Variants in RTEL1 observed in about 807,000 individuals in gnomAD.
RTEL1 encodes regulator of telomere length.
A neutral mutation model predicts 162.2 loss-of-function variants in RTEL1; 86 were observed. The observed-to-expected ratio is 0.53, with a 90% CI of 0.45 to 0.63. The LOEUF is 0.63. RTEL1 is among the 30% of genes least tolerant of loss of function. The pLI, the probability that RTEL1 is intolerant of heterozygous loss-of-function variation, is 0.00. For synonymous variants in RTEL1, 958 were observed against 717.9 expected, an observed-to-expected ratio of 1.33 and a Z score of -5.35; for missense variants, 1,941 against 1,750.2, an observed-to-expected ratio of 1.11 and a Z score of -1.95.
At chr20:63,663,367 C>T (rs540772609) in intron 6 of RTEL1, among the ~76,000 whole-genome samples, 4 of 152,166 alleles carry the variant, frequency 2.6e-5, no homozygotes, top group Admixed American at 6.5e-5. Context: ...GACCTTGCTG[C>T]GGAAAATTAT....
At chr20:63,682,170 A>T (rs2090489147) in intron 14 of RTEL1, 1 of 985,274 alleles carries the variant, frequency 1.0e-6, no homozygotes, top group Admixed American at 6.1e-5. Flanking sequence ...TGAATCCTAG[A>T]ATGTGGCTTC....
At chr20:63,684,414 C>T (rs1050130661) in intron 14 of RTEL1, among the ~76,000 whole-genome samples, 6 of 151,406 alleles carry the variant, frequency 4.0e-5, no homozygotes, top group Non-Finnish European at 5.9e-5. Context: ...AGTGCAGTGG[C>T]GCGATCTCGG....
chr20:63,666,872 C>T (rs567880171), intron 7 of RTEL1, among the ~76,000 whole-genome samples: 41 of 133,278 alleles, frequency 3.1e-4, no homozygotes, highest in African/African-American at 6.1e-4. Context: ...CGGAGTCTCG[C>T]TCTGTCGCCC....
At chr20:63,667,020 TA>T (rs1444463082) in intron 7 of RTEL1, among the ~76,000 whole-genome samples, 1 of 151,794 alleles carries the variant, frequency 6.6e-6, no homozygotes, top group Non-Finnish European at 1.5e-5. Flanking sequence ...TCTGTATTTT[TA>T]GTAGAGACGG....
chr20:63,678,273 C>T lies in RTEL1; in HGVS notation c.964C>T (p.Leu322=), dbSNP rs1475802813. The part of the protein sequence containing the change: ...LEDIAKLKMI[L]LRLEGAIDAV... ...GACACCTCCTCGACCCACAGTGATC[C>T]TGCTGCGCCTGGAGGGGGCCATCGA... The change falls in exon 12 of 35, where the codon CTG becomes TTG. Residue 322 remains leucine, a synonymous_variant. Coordinates refer to ENST00000360203, the MANE Select transcript of RTEL1 (RefSeq NM_001283009.2). The T allele has an allele frequency of 5.0e-6, 8 of 1,612,416 alleles. No homozygotes were observed. In the South Asian group the frequency reaches 7.7e-5, roughly 16 times the overall value.
In RTEL1 at chr20:63,690,396, A is replaced by G. The variant is rs1273087031; in HGVS notation, c.2368A>G (p.Lys790Glu). ...CCCCTTCTTCTCCACCAGGAAAGCTAAGAGTCTGGACCTGCATGTCCCCAG... is the reference window on the plus strand; with the variant it reads ...CCCCTTCTTCTCCACCAGGAAAGCTGAGAGTCTGGACCTGCATGTCCCCAG... ...PGPFFSTRKAKSLDLHVPSLK... is the reference protein window; with the variant it reads ...PGPFFSTRKAESLDLHVPSLK... Residue 790 changes from lysine (K) to glutamate (E), a missense_variant, in exon 26 of 35, where the codon AAG becomes GAG. By Grantham distance (56) the Lys-to-Glu change is moderately conservative. Transcript: ENST00000360203. 7 of 1,611,006 alleles carry G rather than the reference A, an allele frequency of 4.3e-6. No homozygotes were observed. The highest frequency in any genetic ancestry group is 5.9e-6 in the Non-Finnish European group (7 of 1,179,012).
chr20:63,695,935 C>A lies in RTEL1; in HGVS notation c.*77C>A. On this transcript the variant is annotated 3_prime_UTR_variant, in exon 35 of 35. Coordinates refer to ENST00000360203, the MANE Select transcript of RTEL1 (RefSeq NM_001283009.2). ...CCAGCTCTGGTGGGCCAAGAACCCA[C>A]CCAACAGAATAGGCCAGCCCATGCC... The A allele has an allele frequency of 1.4e-6, 2 of 1,434,738 alleles. No individual in the cohort carries two copies. Among genetic ancestry groups the A allele is most frequent in the Non-Finnish European group, 1.9e-6 (2 of 1,054,656 alleles). The allele number at this position is 1,434,738 out of a possible 1,614,324, so 88.9% of individuals were successfully genotyped here. A position where few individuals can be genotyped will look rare whatever the true frequency, so the allele number is the denominator to read the frequency against.
intron 8 of RTEL1, among the ~76,000 whole-genome samples, chr20:63,670,854 T>C (rs2090227465): frequency 1.3e-5 from 2 of 150,690 alleles, no homozygotes; most frequent in African/African-American, 4.9e-5. Flanking sequence ...GACTTCAGTG[T>C]GCAGGTTTAC....
chr20:63,659,288 C>G lies in RTEL1; in HGVS notation c.-115C>G, dbSNP rs1272412624. ...AGCGTTGTGTCCCAGTGCACATGCTCGCATCGCTTACCAGGAGTGCCCGAG... is the reference window on the plus strand; with the variant it reads ...AGCGTTGTGTCCCAGTGCACATGCTGGCATCGCTTACCAGGAGTGCCCGAG... On this transcript the variant is annotated 5_prime_UTR_variant, in exon 2 of 35. Transcript: ENST00000360203. 1 of 717,498 alleles carries G rather than the reference C, an allele frequency of 1.4e-6. No individual in the cohort carries two copies. The highest frequency in any genetic ancestry group is 2.6e-6 in the Non-Finnish European group (1 of 391,696). The allele number at this position is 717,498 out of a possible 1,614,324, so 44.4% of individuals were successfully genotyped here.
At chr20:63,662,068 A>C in intron 4 of RTEL1, 125 bp downstream of exon 4, 1 of 788,214 alleles carries the variant, frequency 1.3e-6, no homozygotes, top group South Asian at 1.6e-5. Flanking sequence ...GCTCCCCCGA[A>C]GTGTGCAGAG....
At chr20:63,676,319 T>C (rs1166423494) in intron 10 of RTEL1, among the ~76,000 whole-genome samples, 5 of 152,140 alleles carry the variant, frequency 3.3e-5, no homozygotes, top group Admixed American at 3.3e-4. Context: ...AGTCGGAATC[T>C]GTACAGGAGG....
At chr20:63,667,034 T>G (rs1408746112) in intron 7 of RTEL1, among the ~76,000 whole-genome samples, 1 of 150,226 alleles carries the variant, frequency 6.7e-6, no homozygotes, top group Non-Finnish European at 1.5e-5. Flanking sequence ...AGAGACGGGG[T>G]TTCACCGTGT....
chr20:63,682,773 G>T (rs532245486), intron 14 of RTEL1: 30 of 856,954 alleles, frequency 3.5e-5, no homozygotes, highest in Middle Eastern at 5.9e-4. Flanking sequence ...GGGATGCACA[G>T]CTCAGCTGGA....
At chr20:63,674,319 G>A (rs1020148933) in intron 10 of RTEL1, among the ~76,000 whole-genome samples, 1 of 152,238 alleles carries the variant, frequency 6.6e-6, no homozygotes. Flanking sequence ...TCTCTCAGAG[G>A]CTTCTTGGGT....
chr20:63,690,596 C>A (rs1019925745), intron 26 of RTEL1, among the ~76,000 whole-genome samples, 155 bp downstream of exon 26: 5 of 152,080 alleles, frequency 3.3e-5, no homozygotes, highest in African/African-American at 1.2e-4. Flanking sequence ...TAGGGCAGGG[C>A]CCCCACGGGC....
At chr20:63,671,297 C>G (rs6011016) in intron 8 of RTEL1, among the ~76,000 whole-genome samples, 123,085 of 151,896 alleles carry the variant, frequency 0.81, 51,024 homozygotes, top group African/African-American at 0.94. Flanking sequence ...CTGACCTTGT[C>G]ATCCACTCAC....
chr20:63,687,717 C>G lies in RTEL1; in HGVS notation c.1428C>G (p.Ile476Met). ...TCCGCCAGGGCGTCCGCTCCCTCAT[C>G]CTTACCAGCGGCACGCTGGCCCCGG... ...ELVRQGVRSL[I>M]LTSGTLAPVS... The change falls in exon 17 of 35, where the codon ATC (isoleucine) becomes ATG (methionine). Residue 476 changes from isoleucine to methionine, a missense_variant. By Grantham distance (10) the Ile-to-Met change is conservative. Transcript: ENST00000360203. The G allele has an allele frequency of 1.2e-6, 2 of 1,601,952 alleles. No individual in the cohort carries two copies. Among genetic ancestry groups the G allele is most frequent in the Non-Finnish European group, 1.7e-6 (2 of 1,175,898 alleles).
chr20:63,693,767 C>T (rs1460798803), intron 30 of RTEL1, among the ~76,000 whole-genome samples: 1 of 126,894 alleles, frequency 7.9e-6, no homozygotes, highest in Non-Finnish European at 1.7e-5. Flanking sequence ...CCACCTCCAC[C>T]AGCAGCAGCA....
chr20:63,681,667 C>T (rs944269119), intron 14 of RTEL1: 6 of 985,336 alleles, frequency 6.1e-6, no homozygotes, highest in Middle Eastern at 5.2e-4. Flanking sequence ...CCTTCACAGA[C>T]GCAGCTCTGA....
Sources: allele counts gnomAD v4.1 joint callset (sites outside exome capture counted in the v4.1 genomes callset), GRCh38; gene constraint gnomAD v4.1.1; transcripts MANE v1.5; gene names NCBI Gene and HGNC (gene_info 2026-07-23, HGNC 2026-07-21).